PRELID3B: variants seen among roughly 807,000 people sequenced by gnomAD.
PRELID3B encodes the protein PRELI domain containing protein 3B.
In PRELID3B, 15 loss-of-function variants were observed where a neutral mutation model predicts 24.0. That is an observed-to-expected ratio of 0.63 (90% CI 0.42 to 0.96). The LOEUF (loss-of-function observed/expected upper bound fraction) is 0.96. Ranked by LOEUF, PRELID3B falls within the 40% of genes least tolerant of loss-of-function variation. The probability of loss-of-function intolerance (pLI) is 0.00; values close to 1 mark genes in which losing one functional copy is unlikely to be tolerated. For missense variants in PRELID3B, 189 were observed against 236.0 expected (o/e 0.80, Z 1.30); for synonymous variants, 62 against 76.0 (o/e 0.82, Z 0.96).
chr20:59,033,713 AAAAT>A lies in PRELID3B; in HGVS notation c.*1290_*1293del, dbSNP rs1351981319. 2.0e-5 allele frequency: 3 copies of A among 152,248 alleles called. No homozygotes were observed. 9.4% of individuals were successfully genotyped at this position (152,248 alleles called of 1,614,324 possible). ...AGAAGTTTATCACACTAAGCACTGT[AAAAT>A]AAAGGCAAGAGCTAATCATCTTCTA... On this transcript the variant is annotated 3_prime_UTR_variant, in exon 6 of 6. Coordinates refer to ENST00000355937, the MANE Select transcript of PRELID3B (RefSeq NM_016045.3).
At chr20:59,036,441 G>A (rs778767424) in intron 5 of PRELID3B, 30 bp downstream of exon 5, 2 of 1,515,166 alleles carry the variant, frequency 1.3e-6, no homozygotes, top group Non-Finnish European at 1.8e-6. Flanking sequence ...ATGAACCAGG[G>A]AATAATAACC....
In PRELID3B at chr20:59,034,889, T is replaced by C. The variant is rs1252577673; in HGVS notation, c.*118A>G. On this transcript the variant is annotated 3_prime_UTR_variant, in exon 6 of 6. Coordinates refer to ENST00000355937, the MANE Select transcript of PRELID3B (RefSeq NM_016045.3). ...AGTCACATAGCCTTACACCAACTTA[T>C]CAAAAAAAAAAAAAAAAAAACTACC... The C allele has an allele frequency of 7.3e-5, 40 of 545,530 alleles. No individual in the cohort carries two copies. In the African/African-American group the frequency reaches 1.1e-3, roughly 15 times the overall value. The allele number at this position is 545,530 out of a possible 1,614,324, so 33.8% of individuals were successfully genotyped here.
intron 1 of PRELID3B, among the ~76,000 whole-genome samples, chr20:59,041,883 A>G (rs1418457485): frequency 6.6e-6 from 1 of 152,256 alleles, no homozygotes; most frequent in Non-Finnish European, 1.5e-5. Context: ...ACTCGGGAAA[A>G]AAAAGGATTT....
In PRELID3B at chr20:59,040,540, T is replaced by C. The variant is rs1431946613; in HGVS notation, c.33-1906A>G. Reference sequence around the variant, plus strand: ...TCTATAAGTTGAAGGAATCAATGAATGACTTCACCTGGATGCCAACTATAG... The same window carrying C: ...TCTATAAGTTGAAGGAATCAATGAACGACTTCACCTGGATGCCAACTATAG... On this transcript the variant is annotated intron_variant, in intron 1 of 5. Coordinates refer to ENST00000355937, the MANE Select transcript of PRELID3B (RefSeq NM_016045.3). This position sits in a 1 kb window ranked among gnomAD's most constrained non-coding sequence, Gnocchi z 4.1. Among the ~76,000 whole-genome samples, 1 of 152,222 alleles carries C rather than the reference T, an allele frequency of 6.6e-6. No homozygotes were observed. Among genetic ancestry groups the C allele is most frequent in the African/African-American group, 2.4e-5 (1 of 41,456 alleles).
At chr20:59,038,380 C>T in intron 2 of PRELID3B, 86 bp downstream of exon 2, 1 of 1,161,068 alleles carries the variant, frequency 8.6e-7, no homozygotes, top group Admixed American at 2.5e-5. Flanking sequence ...TCAGAATCGG[C>T]TCCCACAACC....
At chr20:59,042,143 T>C (rs2092114601) in intron 1 of PRELID3B, among the ~76,000 whole-genome samples, 1 of 152,250 alleles carries the variant, frequency 6.6e-6, no homozygotes, top group Non-Finnish European at 1.5e-5. Context: ...AGACCTTGAA[T>C]TCCAAATCCA....
intron 5 of PRELID3B, among the ~76,000 whole-genome samples, chr20:59,035,397 C>G (rs1023843491): frequency 3.3e-5 from 5 of 152,218 alleles, no homozygotes; most frequent in Admixed American, 2.6e-4. Flanking sequence ...TTATTTGTTT[C>G]ATGATTATAG....
intron 1 of PRELID3B, among the ~76,000 whole-genome samples, chr20:59,042,277 T>C (rs2092115539): frequency 6.6e-6 from 1 of 152,248 alleles, no homozygotes; most frequent in African/African-American, 2.4e-5. Flanking sequence ...AAGTACACTC[T>C]GGAGAAAACC....
At position 59,042,780 on chromosome 20, in the gene PRELID3B, C is replaced by G; in HGVS notation, c.-50G>C. The G allele has an allele frequency of 2.5e-6, 4 of 1,574,882 alleles. No homozygotes were observed. Among genetic ancestry groups the G allele is most frequent in the Non-Finnish European group, 3.4e-6 (4 of 1,160,486 alleles). Reference sequence around the variant, plus strand: ...CGGGTAGCGCCAGGGGACAACGAGGCACAGAGGCTACACCTGCCCCTGCCC... The same window carrying G: ...CGGGTAGCGCCAGGGGACAACGAGGGACAGAGGCTACACCTGCCCCTGCCC... On this transcript the variant is annotated 5_prime_UTR_variant, in exon 1 of 6. Transcript: ENST00000355937.
intron 3 of PRELID3B, 70 bp downstream of exon 3, chr20:59,037,121 G>C: frequency 8.7e-7 from 1 of 1,150,254 alleles, no homozygotes; most frequent in Non-Finnish European, 1.3e-6. Flanking sequence ...TCACTTCTAC[G>C]GCAACTAGGA....
rs1365281307 is a variant in PRELID3B at position 59,040,954 on chromosome 20, C to G, written c.32+1745G>C. 6.6e-6 allele frequency among the ~76,000 whole-genome samples: 1 copy of G among 152,166 alleles called. No homozygotes were observed. Among genetic ancestry groups the G allele is most frequent in the African/African-American group, 2.4e-5 (1 of 41,434 alleles). The stretch of plus-strand genomic sequence containing the variant: ...AGAGAAACAAAAAAGAAATTAAGAT[C>G]ACAGGTAAAATCCAATATAGGAAGG... On this transcript the variant is annotated intron_variant, in intron 1 of 5. Transcript: ENST00000355937. This position sits in a 1 kb window ranked among gnomAD's most constrained non-coding sequence, Gnocchi z 4.1.
At chr20:59,036,247 A>T (rs1249674705) in intron 5 of PRELID3B, among the ~76,000 whole-genome samples, 1 of 152,202 alleles carries the variant, frequency 6.6e-6, no homozygotes, top group Non-Finnish European at 1.5e-5. Flanking sequence ...AAAAACGGGA[A>T]ACTGAGGCAT....
Position 59,034,930 on chromosome 20 carries a change from T to A in PRELID3B, c.*77A>T. On this transcript the variant is annotated 3_prime_UTR_variant, in exon 6 of 6. Transcript: ENST00000355937. ...AAAAACTACCCAAAATATAGTTGTA[T>A]TTTTAAAATAACAAATAAATATATA... is the stretch of plus-strand genomic sequence containing the variant. The A allele has an allele frequency of 7.7e-7, 1 of 1,304,712 alleles. No homozygotes were observed. Among genetic ancestry groups the A allele is most frequent in the Non-Finnish European group, 1.0e-6 (1 of 995,424 alleles). The allele number at this position is 1,304,712 out of a possible 1,614,324, so 80.8% of individuals were successfully genotyped here.
At chr20:59,037,927 T>C (rs910703104) in intron 2 of PRELID3B, among the ~76,000 whole-genome samples, 3 of 152,252 alleles carry the variant, frequency 2.0e-5, no homozygotes, top group Admixed American at 6.5e-5. Context: ...CCACTTATTA[T>C]ACCAGTTTTC....
At chr20:59,041,742 A>G (rs1426722702) in intron 1 of PRELID3B, among the ~76,000 whole-genome samples, 1 of 152,204 alleles carries the variant, frequency 6.6e-6, no homozygotes, top group Non-Finnish European at 1.5e-5. Flanking sequence ...CTCAAAAAAG[A>G]AATTTAAAAA....
Position 59,042,731 on chromosome 20 carries a change from G to T in PRELID3B, c.-1C>A. The T allele has an allele frequency of 1.2e-6, 2 of 1,602,360 alleles. No individual in the cohort carries two copies. Reference sequence around the variant, plus strand: ...CGTGCTCCGAAGTCCAGATCTTCATGGTGCCGGCACCCTGAGAGATGTCCG... The same window carrying T: ...CGTGCTCCGAAGTCCAGATCTTCATTGTGCCGGCACCCTGAGAGATGTCCG... On this transcript the variant is annotated 5_prime_UTR_variant, in exon 1 of 6. Transcript: ENST00000355937.
rs952648931 is a variant in PRELID3B, at chr20:59,040,854, C to T, written c.32+1845G>A. ...CCTATCATTTGGGACTTTGACCAAACAGCTCAGATTATGTGGGGAGAAAGC... is the reference window on the plus strand; with the variant it reads ...CCTATCATTTGGGACTTTGACCAAATAGCTCAGATTATGTGGGGAGAAAGC... On this transcript the variant is annotated intron_variant, in intron 1 of 5. Transcript: ENST00000355937. This position sits in a 1 kb window ranked among gnomAD's most constrained non-coding sequence, Gnocchi z 4.1. Among the ~76,000 whole-genome samples, 1 of 152,158 alleles carries T rather than the reference C, an allele frequency of 6.6e-6. No homozygotes were observed. Among genetic ancestry groups the T allele is most frequent in the Admixed American group, 6.5e-5 (1 of 15,282 alleles).
At position 59,036,555 on chromosome 20, in the gene PRELID3B, T is replaced by G; in HGVS notation, c.381A>C (p.Glu127Asp). The G allele has an allele frequency of 6.2e-7, 1 of 1,614,202 alleles. No individual in the cohort carries two copies. Among genetic ancestry groups the G allele is most frequent in the Non-Finnish European group, 8.5e-7 (1 of 1,179,990 alleles). The stretch of plus-strand genomic sequence containing the variant: ...TAACTCCTTTCACGGTAATTATGGC[T>G]TCTTGTGTCAAAACAGTTCTGGAAC... ...QDPEKTVLTQ[E>D]AIITVKGVSL... Residue 127 changes from glutamate (E) to aspartate (D), a missense_variant, in exon 5 of 6, where the codon GAA (glutamate) becomes GAC (aspartate). Coordinates refer to ENST00000355937, the MANE Select transcript of PRELID3B (RefSeq NM_016045.3).
rs999326842 is a variant in PRELID3B at position 59,033,368 on chromosome 20, A to G, written c.*1639T>C. ...GTTTTTAAAAAATCAAAGGATAAGG[A>G]TTTAAAAATATTAGGGCATTACACC... is the stretch of plus-strand genomic sequence containing the variant. On this transcript the variant is annotated 3_prime_UTR_variant, in exon 6 of 6. Transcript: ENST00000355937. 9 of 152,344 alleles carry G rather than the reference A, an allele frequency of 5.9e-5. No individual in the cohort carries two copies. The highest frequency in any genetic ancestry group is 2.2e-4 in the African/African-American group (9 of 41,590). 9.4% of individuals were successfully genotyped at this position (152,344 alleles called of 1,614,324 possible). A position where few individuals can be genotyped will look rare whatever the true frequency, so the allele number is the denominator to read the frequency against.
Sources: gnomAD v4.1 joint callset for allele counts (sites outside exome capture counted in the v4.1 genomes callset) on GRCh38, gnomAD v4.1.1 for gene constraint, Gnocchi (gnomAD v3.1) non-coding constraint, MANE v1.5 for transcripts, NCBI Gene and HGNC (gene_info 2026-07-23, HGNC 2026-07-21) for gene names.